GTF2F2: variants seen among roughly 807,000 people sequenced by gnomAD.
The protein encoded by GTF2F2 is general transcription factor IIF subunit 2, also known as ATP-dependent helicase GTF2F2.
Under a neutral mutation model 42.2 loss-of-function variants are expected in GTF2F2, and 23 were observed. The ratio of observed to expected loss-of-function variants is 0.55; its 90% CI spans 0.39 to 0.77. The LOEUF (loss-of-function observed/expected upper bound fraction) is 0.77. Ranked by LOEUF, GTF2F2 falls within the 30% of genes least tolerant of loss-of-function variation. The pLI is 0.00. For synonymous variants in GTF2F2, 105 were observed against 100.8 expected (o/e 1.04, Z -0.25); for missense variants, 261 against 287.2 (o/e 0.91, Z 0.66).
At chr13:45,194,320 C>T (rs754994296) in intron 4 of GTF2F2, 2 of 1,614,018 alleles carry the variant, frequency 1.2e-6, no homozygotes, top group African/African-American at 1.3e-5. Flanking sequence ...GAAGAGGAGA[C>T]CATCCCTGTC....
At chr13:45,277,485 G>T (rs1319951805) in intron 7 of GTF2F2, among the ~76,000 whole-genome samples, 1 of 152,172 alleles carries the variant, frequency 6.6e-6, no homozygotes, top group South Asian at 2.1e-4. Flanking sequence ...ATTCATGAGA[G>T]TTCCGTCCCC....
At chr13:45,271,022 G>C (rs1876766913) in intron 7 of GTF2F2, among the ~76,000 whole-genome samples, 1 of 152,178 alleles carries the variant, frequency 6.6e-6, no homozygotes, top group Non-Finnish European at 1.5e-5. Context: ...GCCGGGCGCG[G>C]TGGCTCATGC....
chr13:45,191,523 T>A (rs1235177839), intron 4 of GTF2F2, among the ~76,000 whole-genome samples: 5 of 152,020 alleles, frequency 3.3e-5, no homozygotes, highest in African/African-American at 1.2e-4. Context: ...GTGTGATTTC[T>A]TGAGTTTCTT....
At chr13:45,268,324 A>G (rs896777717) in intron 7 of GTF2F2, among the ~76,000 whole-genome samples, 9 of 152,192 alleles carry the variant, frequency 5.9e-5, no homozygotes, top group African/African-American at 2.2e-4. Flanking sequence ...ATAACCAAAT[A>G]ACCTATTTGT....
chr13:45,186,276 A>T lies in GTF2F2; in HGVS notation c.305-21148A>T, dbSNP rs866683137. 7.0e-3 allele frequency among the ~76,000 whole-genome samples: 930 copies of T among 133,498 alleles called. 10 individuals carry two copies. Among genetic ancestry groups the T allele is most frequent in the African/African-American group, 0.024 (878 of 36,786 alleles). 87.6% of individuals were successfully genotyped at this position (133,498 alleles called of 152,430 possible). A position where few individuals can be genotyped will look rare whatever the true frequency, so the allele number is the denominator to read the frequency against. ...AGGCGTGAGCCCCGGCACCTGGCCT[A>T]TTTTTTTTTTTTTTTAATTTTAATT... is the stretch of plus-strand genomic sequence containing the variant. On this transcript the variant is annotated intron_variant, in intron 4 of 7. Coordinates refer to ENST00000340473, the MANE Select transcript of GTF2F2 (RefSeq NM_004128.3).
rs1871610042 is a variant in GTF2F2, at chr13:45,171,772, C to G, written c.304+19941C>G. 1.3e-5 allele frequency among the ~76,000 whole-genome samples: 2 copies of G among 152,164 alleles called. 1 individual carries two copies. Among genetic ancestry groups the G allele is most frequent in the South Asian group, 4.1e-4 (2 of 4,832 alleles). On this transcript the variant is annotated intron_variant, in intron 4 of 7. Transcript: ENST00000340473. ...AGTCACCTGTTATTCTCACCCCAAC[C>G]TCCCACGCCATAGTCTACTTTCTGG... is the stretch of plus-strand genomic sequence containing the variant.
At chr13:45,166,357 C>G (rs1174654527) in intron 4 of GTF2F2, among the ~76,000 whole-genome samples, 2 of 152,212 alleles carry the variant, frequency 1.3e-5, no homozygotes, top group Middle Eastern at 3.4e-3. Context: ...GTTATAGCAT[C>G]CCCTGGTGAA....
chr13:45,197,509 C>CAA (rs1195927657), intron 4 of GTF2F2, among the ~76,000 whole-genome samples: 1,505 of 91,440 alleles, frequency 0.016, 31 homozygotes, highest in African/African-American at 0.055. Flanking sequence ...ACCCTGTCTC[C>CAA]AAAAAAAAAA....
chr13:45,151,249 C>T (rs1340631541), intron 3 of GTF2F2, among the ~76,000 whole-genome samples: 1 of 152,196 alleles, frequency 6.6e-6, no homozygotes, highest in Non-Finnish European at 1.5e-5. Flanking sequence ...TGTTTCTGCG[C>T]TAATTTACAT....
intron 2 of GTF2F2, among the ~76,000 whole-genome samples, chr13:45,147,131 A>G (rs1870233916): frequency 6.6e-6 from 1 of 152,290 alleles, no homozygotes; most frequent in Non-Finnish European, 1.5e-5. Context: ...GATTGCATCT[A>G]GTTACCAAGA....
chr13:45,123,621 C>A (rs1216802278), intron 1 of GTF2F2, among the ~76,000 whole-genome samples: 4 of 140,412 alleles, frequency 2.8e-5, no homozygotes, highest in Non-Finnish European at 4.5e-5. Context: ...CAGAGTGAAA[C>A]CCTATCTAAA....
At chr13:45,188,779 T>C (rs1872522594) in intron 4 of GTF2F2, among the ~76,000 whole-genome samples, 1 of 152,184 alleles carries the variant, frequency 6.6e-6, no homozygotes, top group African/African-American at 2.4e-5. Context: ...TCTCCTAATA[T>C]GTCAGTTCTG....
intron 6 of GTF2F2, among the ~76,000 whole-genome samples, chr13:45,256,394 A>G (rs1418849101): frequency 1.3e-5 from 2 of 152,054 alleles, no homozygotes; most frequent in African/African-American, 2.4e-5. Context: ...TATATTCTGA[A>G]CTCCTTAGTA....
At chr13:45,175,318 C>T (rs1395512438) in intron 4 of GTF2F2, among the ~76,000 whole-genome samples, 1 of 151,876 alleles carries the variant, frequency 6.6e-6, no homozygotes, top group African/African-American at 2.4e-5. Flanking sequence ...GTATATATAC[C>T]ACATTTTCTT....
At chr13:45,276,651 G>A (rs2138275626) in intron 7 of GTF2F2, among the ~76,000 whole-genome samples, 1 of 152,244 alleles carries the variant, frequency 6.6e-6, no homozygotes, top group South Asian at 2.1e-4. Flanking sequence ...ATGTTGGCCA[G>A]GCTGGTCTCG....
At chr13:45,179,376 A>C (rs1872038005) in intron 4 of GTF2F2, among the ~76,000 whole-genome samples, 1 of 152,198 alleles carries the variant, frequency 6.6e-6, no homozygotes, top group African/African-American at 2.4e-5. Flanking sequence ...ACAAGGTGGA[A>C]TCTTTTTGAG....
At chr13:45,223,262 TAAAAAA>T (rs60690884) in intron 5 of GTF2F2, among the ~76,000 whole-genome samples, 1,270 of 96,344 alleles carry the variant, frequency 0.013, 10 homozygotes, top group African/African-American at 0.042. Flanking sequence ...CTTGTCTCAA[TAAAAAA>T]AAAAAAAAAA....
rs745496915 is a variant in GTF2F2, at chr13:45,207,480, A to G, written c.361A>G (p.Ser121Gly). 2 of 1,609,398 alleles carry G rather than the reference A, an allele frequency of 1.2e-6. No individual in the cohort carries two copies. The highest frequency in any genetic ancestry group is 1.1e-5 in the South Asian group (1 of 90,966). Residue 121 changes from serine (S) to glycine (G), a missense_variant, in exon 5 of 8, where the codon AGT becomes GGT. Ser to Gly is a moderately conservative substitution (Grantham distance 56). Coordinates refer to ENST00000340473, the MANE Select transcript of GTF2F2 (RefSeq NM_004128.3). ...AAGAGCTGAATGCCGACCAGCTGCC[A>G]GTGAAAACTACATGCGATTAAAAAG... ...VQRAECRPAA[S>G]ENYMRLKRLQ...
intron 4 of GTF2F2, among the ~76,000 whole-genome samples, chr13:45,202,201 A>G (rs1264646166): frequency 6.6e-6 from 1 of 151,914 alleles, no homozygotes; most frequent in Non-Finnish European, 1.5e-5. Context: ...AGCCTGGCCA[A>G]CATGGCAAAA....
Sources: gnomAD v4.1 joint callset for allele counts (sites outside exome capture counted in the v4.1 genomes callset) on GRCh38, gnomAD v4.1.1 for gene constraint, MANE v1.5 for transcripts, NCBI Gene and HGNC (gene_info 2026-07-23, HGNC 2026-07-21) for gene names.